STK10: variants seen among roughly 807,000 people sequenced by gnomAD.
STK10 encodes serine/threonine-protein kinase 10.
A neutral mutation model predicts 113.8 loss-of-function variants in STK10; 78 were observed. The ratio of observed to expected loss-of-function variants is 0.69; its 90% confidence interval spans 0.57 to 0.83. STK10 has a LOEUF of 0.83. Among genes scored for constraint, STK10 ranks in the 40% least tolerant of loss-of-function variants. The pLI, the probability that STK10 is intolerant of heterozygous loss-of-function variation, is 0.00. For missense variants in STK10, 1,109 were observed against 1,280.1 expected (o/e 0.87, Z 2.04); for synonymous variants, 465 against 494.7 (o/e 0.94, Z 0.80).
chr5:172,065,350 A>G (rs1581137697), intron 12 of STK10, among the ~76,000 whole-genome samples: 2 of 136,690 alleles, frequency 1.5e-5, no homozygotes, highest in African/African-American at 5.6e-5. Context: ...TAAGCCTTCC[A>G]AGTAGCTGGC....
At chr5:172,177,752 C>T (rs1269809894) in intron 1 of STK10, among the ~76,000 whole-genome samples, 3 of 152,202 alleles carry the variant, frequency 2.0e-5, no homozygotes, top group African/African-American at 7.2e-5. Flanking sequence ...CCTGCCATTG[C>T]CTGTATAGCC....
chr5:172,061,110 A>C lies in STK10; in HGVS notation c.2212+29T>G, dbSNP rs201765263. 2.8e-5 allele frequency: 44 copies of C among 1,588,908 alleles called. No homozygotes were observed. In the East Asian group the frequency reaches 9.5e-4, roughly 34 times the overall value. The stretch of plus-strand genomic sequence containing the variant: ...GGATGTCCACAGCGACTCTGGGCCA[A>C]GACAGCGCTGCCACTTGCACACCCC... On this transcript the variant is annotated intron_variant, in intron 14 of 18. Transcript: ENST00000176763.
At chr5:172,105,221 A>G (rs991951641) in intron 7 of STK10, among the ~76,000 whole-genome samples, 5 of 121,356 alleles carry the variant, frequency 4.1e-5, no homozygotes, top group African/African-American at 1.6e-4. Flanking sequence ...CTGCTGTCCC[A>G]GGCGTTTGCC....
Position 172,125,479 on chromosome 5 carries a change from G to T in STK10, c.370+1894C>A, listed in dbSNP as rs375274014. 5.9e-5 allele frequency among the ~76,000 whole-genome samples: 9 copies of T among 152,218 alleles called. No homozygotes were observed. In the East Asian group the frequency reaches 1.7e-3, roughly 29 times the overall value. Reference sequence around the variant, plus strand: ...GGCTCACTGCAACCTCTACCGCCTGGGTTCAAGTGATTCTCCTGCCTCAGC... The same window carrying T: ...GGCTCACTGCAACCTCTACCGCCTGTGTTCAAGTGATTCTCCTGCCTCAGC... On this transcript the variant is annotated intron_variant, in intron 3 of 18. Coordinates refer to ENST00000176763, the MANE Select transcript of STK10 (RefSeq NM_005990.4).
intron 6 of STK10, among the ~76,000 whole-genome samples, chr5:172,106,408 A>AAAAAG (rs1769108567): frequency 7.0e-6 from 1 of 142,588 alleles, no homozygotes; most frequent in Non-Finnish European, 1.5e-5. Context: ...TCTCAAAAAA[A>AAAAAG]AAAAAAAAAA....
Position 172,042,519 on chromosome 5 carries a change from C to T in STK10, c.*2363G>A, listed in dbSNP as rs892858143. ...ACTTTCACCTGAACCATGAAACTGG[C>T]ATTTCACCTAATACTTTCTCACACG... On this transcript the variant is annotated 3_prime_UTR_variant, in exon 19 of 19. Transcript: ENST00000176763. The T allele has an allele frequency of 2.0e-5, 3 of 152,532 alleles. No individual in the cohort carries two copies. Among genetic ancestry groups the T allele is most frequent in the Non-Finnish European group, 4.4e-5 (3 of 68,064 alleles). The allele number at this position is 152,532 out of a possible 1,614,324, so 9.4% of individuals were successfully genotyped here.
At position 172,054,478 on chromosome 5, in the gene STK10, C is replaced by T; in HGVS notation, c.2652+91G>A. 1.3e-6 allele frequency: 2 copies of T among 1,540,442 alleles called. 1 individual carries two copies. Among genetic ancestry groups the T allele is most frequent in the South Asian group, 2.4e-5 (2 of 83,370 alleles). ...GGGCGTGTCTGATGAAGATCCTTCC[C>T]TGCTGTGGAGTTTCTGGCCCCCTGA... On this transcript the variant is annotated intron_variant, in intron 17 of 18. Transcript: ENST00000176763.
At chr5:172,096,761 C>T (rs780579314) in intron 7 of STK10, among the ~76,000 whole-genome samples, 6 of 152,186 alleles carry the variant, frequency 3.9e-5, no homozygotes, top group South Asian at 2.1e-4. Flanking sequence ...TGTCTCTCAG[C>T]GGCTGTGTGA....
At chr5:172,053,255 T>C (rs1767671868) in intron 17 of STK10, 1 of 534,198 alleles carries the variant, frequency 1.9e-6, no homozygotes, top group Non-Finnish European at 3.4e-6. Context: ...ATAGTTCTTA[T>C]TAACTCTGTG....
At chr5:172,148,404 A>G (rs533625137) in intron 2 of STK10, among the ~76,000 whole-genome samples, 3 of 152,294 alleles carry the variant, frequency 2.0e-5, no homozygotes, top group African/African-American at 7.2e-5. Flanking sequence ...GAAGGGCTAC[A>G]TGGACGTGCT....
At chr5:172,067,293 G>A (rs1334802887) in intron 12 of STK10, among the ~76,000 whole-genome samples, 1 of 152,044 alleles carries the variant, frequency 6.6e-6, no homozygotes, top group African/African-American at 2.4e-5. Flanking sequence ...GGAGGTTGAG[G>A]CTGCAGTGAG....
chr5:172,048,885 T>A (rs1229522534), intron 18 of STK10, among the ~76,000 whole-genome samples: 1 of 151,040 alleles, frequency 6.6e-6, no homozygotes, highest in Non-Finnish European at 1.5e-5. Context: ...CACCACTCTC[T>A]CCGGCCGCAG....
At chr5:172,118,010 CAAAAAAAAA>C (rs57672334) in intron 3 of STK10, among the ~76,000 whole-genome samples, 2 of 69,826 alleles carry the variant, frequency 2.9e-5, no homozygotes, top group Non-Finnish European at 5.9e-5. Context: ...TACTCCATCT[CAAAAAAAAA>C]AAAAAAAAAA....
intron 12 of STK10, among the ~76,000 whole-genome samples, chr5:172,065,814 G>C (rs1372458006): frequency 6.6e-6 from 1 of 152,156 alleles, no homozygotes; most frequent in Non-Finnish European, 1.5e-5. Flanking sequence ...GCCCCTGGAG[G>C]GGACTGCCTG....
rs535273791 is a variant in STK10 at position 172,081,753 on chromosome 5, C to T, written c.1989+573G>A. Among the ~76,000 whole-genome samples, 9 of 152,318 alleles carry T rather than the reference C, an allele frequency of 5.9e-5. No homozygotes were observed. The South Asian group carries it at 6.2e-4, about 11-fold the overall frequency. On this transcript the variant is annotated intron_variant, in intron 12 of 18. Coordinates refer to ENST00000176763, the MANE Select transcript of STK10 (RefSeq NM_005990.4). Reference sequence around the variant, plus strand: ...GGAACAGCCTGGACTGGCGTTCCTGCCCTGGGGGCTTCCAGCCTGCTTGTC... The same window carrying T: ...GGAACAGCCTGGACTGGCGTTCCTGTCCTGGGGGCTTCCAGCCTGCTTGTC...
In STK10 at chr5:172,093,552, G is replaced by A; in HGVS notation, c.1414C>T (p.Pro472Ser). The change falls in exon 9 of 19, where the codon CCA becomes TCA. Residue 472 changes from proline to serine, a missense_variant. Pro to Ser is a moderately conservative substitution (Grantham distance 74). Around this residue, in one of 5 missense-constraint regions of STK10, gnomAD observed 885 missense variants for 991.1 expected, o/e 0.89. Transcript: ENST00000176763. The surrounding 1 kb of genome is among the most constrained non-coding windows in gnomAD (Gnocchi z 4.1). ...GGCCCTGGAGCTGCCTGGGCAGGTG[G>A]CTCCAGGCTGCCATTGGCCAGCTTC... ...GEKLANGSLE[P>S]PAQAAPGPSK... 6.2e-7 allele frequency: 1 copy of A among 1,614,052 alleles called. No individual in the cohort carries two copies.
rs961153891 is a variant in STK10 at position 172,135,444 on chromosome 5, G to A, written c.322-8023C>T. On this transcript the variant is annotated intron_variant, in intron 2 of 18. Coordinates refer to ENST00000176763, the MANE Select transcript of STK10 (RefSeq NM_005990.4). Reference sequence around the variant, plus strand: ...AAAGAATCATTTGAACCTGGGAGGCGGAGGTTGCAGTGAGCCAAGATCACG... The same window carrying A: ...AAAGAATCATTTGAACCTGGGAGGCAGAGGTTGCAGTGAGCCAAGATCACG... Among the ~76,000 whole-genome samples, 8 of 152,174 alleles carry A rather than the reference G, an allele frequency of 5.3e-5. No individual in the cohort carries two copies. The South Asian group carries it at 6.2e-4, about 12-fold the overall frequency.
chr5:172,086,220 T>C (rs560435970), intron 10 of STK10, among the ~76,000 whole-genome samples: 7 of 152,254 alleles, frequency 4.6e-5, no homozygotes, highest in South Asian at 4.1e-4. Context: ...GGTCGAATTC[T>C]ACCAAGGAAG....
At chr5:172,114,323 T>TGTGTGTGTG (rs1769317517) in intron 4 of STK10, among the ~76,000 whole-genome samples, 1 of 149,874 alleles carries the variant, frequency 6.7e-6, no homozygotes, top group African/African-American at 2.5e-5. Context: ...TGTATGTGTG[T>TGTGTGTGTG]TTTCTGATTA....
Sources: gnomAD v4.1 joint callset for allele counts (sites outside exome capture counted in the v4.1 genomes callset) on GRCh38, gnomAD v4.1.1 for gene constraint, gnomAD v4.1.1 regional missense constraint, Gnocchi (gnomAD v3.1) non-coding constraint, MANE v1.5 for transcripts, NCBI Gene and HGNC (gene_info 2026-07-23, HGNC 2026-07-21) for gene names.